IL27RA: variants seen among roughly 807,000 people sequenced by gnomAD.
The protein encoded by IL27RA is interleukin 27 receptor subunit alpha.
In IL27RA, 61 loss-of-function variants were observed where a neutral mutation model predicts 80.8. That is an observed-to-expected ratio of 0.76 (90% confidence interval 0.61 to 0.93). IL27RA has a LOEUF of 0.93. IL27RA is among the 40% of genes least tolerant of loss of function. The pLI is 0.00. For missense variants in IL27RA, 735 were observed against 808.1 expected (o/e 0.91, Z 1.10); for synonymous variants, 316 against 332.5 (o/e 0.95, Z 0.54).
At chr19:14,044,885 G>A (rs929523152) in intron 6 of IL27RA, among the ~76,000 whole-genome samples, 1 of 151,728 alleles carries the variant, frequency 6.6e-6, no homozygotes, top group Non-Finnish European at 1.5e-5. Flanking sequence ...CAACACTTTG[G>A]GAGGCCGAGG....
chr19:14,046,012 G>A, intron 6 of IL27RA, 142 bp from the exon 7 acceptor site: 2 of 800,024 alleles, frequency 2.5e-6, no homozygotes, highest in South Asian at 3.4e-5. Context: ...GTAACAGAAT[G>A]AAGACTCCGT....
rs539390347 is a variant in IL27RA at position 14,042,254 on chromosome 19, T to C, written c.535-199T>C. Among the ~76,000 whole-genome samples the C allele has an allele frequency of 2.7e-5, 4 of 150,632 alleles. No homozygotes were observed. The East Asian group carries it at 7.8e-4, about 29-fold the overall frequency. ...GGTGGTGGGTGCCTGTAATCCCAGC[T>C]ACTCAGGAGGCTGAGGCAGGAGAAT... is the stretch of plus-strand genomic sequence containing the variant. On this transcript the variant is annotated intron_variant, in intron 4 of 13. Transcript: ENST00000263379.
chr19:14,039,987 C>A, intron 4 of IL27RA, 77 bp downstream of exon 4: 2 of 1,425,898 alleles, frequency 1.4e-6, no homozygotes, highest in Non-Finnish European at 1.9e-6. Context: ...TGAGACCCAG[C>A]CCAGGACTCA....
chr19:14,040,020 G>T (rs1665879785), intron 4 of IL27RA, 110 bp downstream of exon 4: 1 of 1,085,070 alleles, frequency 9.2e-7, no homozygotes, highest in Non-Finnish European at 1.3e-6. Flanking sequence ...CCCTGAGCCT[G>T]TATGCCTCCC....
chr19:14,036,089 AAAG>A (rs1157324553), intron 2 of IL27RA, among the ~76,000 whole-genome samples: 81 of 151,460 alleles, frequency 5.3e-4, no homozygotes, highest in African/African-American at 1.4e-3. Context: ...AAAAAAAAAA[AAAG>A]AAAGAAGAAG....
At position 14,049,332 on chromosome 19, in the gene IL27RA, C is replaced by T; in HGVS notation, c.1402+18C>T. The T allele has an allele frequency of 6.2e-7, 1 of 1,605,362 alleles. No homozygotes were observed. Among genetic ancestry groups the T allele is most frequent in the Non-Finnish European group, 8.5e-7 (1 of 1,175,078 alleles). On this transcript the variant is annotated intron_variant, in intron 10 of 13. Coordinates refer to ENST00000263379, the MANE Select transcript of IL27RA (RefSeq NM_004843.4). ...CATGAATGGTGAGCTTCCCTGCCTGCTGACCTGTCCTCCCAGCCCCCACAA... is the reference window on the plus strand; with the variant it reads ...CATGAATGGTGAGCTTCCCTGCCTGTTGACCTGTCCTCCCAGCCCCCACAA...
chr19:14,052,428 C>T lies in IL27RA; in HGVS notation c.*138C>T. ...GCTGAGTCACTTACCTGAGGACACCCAGCCAGGCAGAGCTGGGATTGAAGG... is the reference window on the plus strand; with the variant it reads ...GCTGAGTCACTTACCTGAGGACACCTAGCCAGGCAGAGCTGGGATTGAAGG... On this transcript the variant is annotated 3_prime_UTR_variant, in exon 14 of 14. Coordinates refer to ENST00000263379, the MANE Select transcript of IL27RA (RefSeq NM_004843.4). The T allele has an allele frequency of 1.5e-6, 1 of 659,760 alleles. No individual in the cohort carries two copies. The highest frequency in any genetic ancestry group is 2.6e-5 in the South Asian group (1 of 38,726). The allele number at this position is 659,760 out of a possible 1,614,324, so 40.9% of individuals were successfully genotyped here. A position where few individuals can be genotyped will look rare whatever the true frequency, so the allele number is the denominator to read the frequency against.
intron 2 of IL27RA, among the ~76,000 whole-genome samples, chr19:14,038,005 A>G (rs1268717087): frequency 6.6e-6 from 1 of 151,340 alleles, no homozygotes; most frequent in Non-Finnish European, 1.5e-5. Context: ...TAATTTTTGT[A>G]TTTTTAGTAG....
chr19:14,052,268 C>A lies in IL27RA; in HGVS notation c.1889C>A (p.Pro630His). ...GAGGAGCTGGGCCTTCTGGGGCCCC[C>A]CAGGCCACAGGTTCTGGCCTGAACC... Reference protein sequence around the residue: ...TPEELGLLGPPRPQVLA With the variant: ...TPEELGLLGPHRPQVLA Residue 630 changes from proline to histidine, a missense_variant, in exon 14 of 14, where the codon CCC becomes CAC. By Grantham distance (77) the Pro-to-His change is moderately conservative (BLOSUM62 -2). Coordinates refer to ENST00000263379, the MANE Select transcript of IL27RA (RefSeq NM_004843.4). 6.5e-7 allele frequency: 1 copy of A among 1,535,574 alleles called. No homozygotes were observed. Among genetic ancestry groups the A allele is most frequent in the Admixed American group, 2.1e-5 (1 of 48,060 alleles).
In IL27RA at chr19:14,039,631, C is replaced by G. The variant is rs1231833843; in HGVS notation, c.342C>G (p.Leu114=). The G allele has an allele frequency of 2.0e-5, 33 of 1,613,984 alleles. No individual in the cohort carries two copies. The highest frequency in any genetic ancestry group is 2.8e-5 in the Non-Finnish European group (33 of 1,179,998). ...GGGGCACTAAGGCAGGCCAGCCTCTCTGGCCCCCCGTCTTCGTGAACCTAG... is the reference window on the plus strand; with the variant it reads ...GGGGCACTAAGGCAGGCCAGCCTCTGTGGCCCCCCGTCTTCGTGAACCTAG... ...LVWGTKAGQP[L]WPPVFVNLET... The change falls in exon 3 of 14, where the codon CTC becomes CTG. Residue 114 remains leucine (L), a synonymous_variant. Transcript: ENST00000263379.
intron 6 of IL27RA, among the ~76,000 whole-genome samples, chr19:14,043,998 A>G (rs1291837161): frequency 6.9e-6 from 1 of 144,996 alleles, no homozygotes; most frequent in African/African-American, 2.6e-5. Context: ...CAGTGAGCTG[A>G]GCTCGAGCCA....
At chr19:14,041,743 G>A (rs1398462354) in intron 4 of IL27RA, among the ~76,000 whole-genome samples, 2 of 152,142 alleles carry the variant, frequency 1.3e-5, no homozygotes, top group South Asian at 2.1e-4. Context: ...TTGGTCCTGG[G>A]CAAATACAAA....
chr19:14,052,214 G>A lies in IL27RA; in HGVS notation c.1835G>A (p.Gly612Glu). Residue 612 changes from glycine to glutamate, a missense_variant, in exon 14 of 14, where the codon GGG becomes GAG. Gly to Glu is a moderately conservative substitution (Grantham distance 98). Coordinates refer to ENST00000263379, the MANE Select transcript of IL27RA (RefSeq NM_004843.4). ...CAGGCCACCGCCCCGCTTGACTCTG[G>A]GTATGAGAAGCACTTCCTGCCCACA... ...PAQATAPLDS[G>E]YEKHFLPTPE... is the part of the protein sequence containing the mutation. 1 of 1,601,184 alleles carries A rather than the reference G, an allele frequency of 6.2e-7. No individual in the cohort carries two copies. The highest frequency in any genetic ancestry group is 8.5e-7 in the Non-Finnish European group (1 of 1,174,092).
chr19:14,042,319 T>C, intron 4 of IL27RA, 134 bp from the exon 5 acceptor site: 1 of 908,622 alleles, frequency 1.1e-6, no homozygotes, highest in South Asian at 1.7e-5. Flanking sequence ...TGAGCCAAGA[T>C]CACACCACTG....
rs1419508102 is a variant in IL27RA, at chr19:14,052,209, C to T, written c.1830C>T (p.Asp610=). Residue 610 remains aspartate (D), a synonymous_variant, in exon 14 of 14, where the codon GAC becomes GAT. Coordinates refer to ENST00000263379, the MANE Select transcript of IL27RA (RefSeq NM_004843.4). ...CCGCCCAGGCCACCGCCCCGCTTGA[C>T]TCTGGGTATGAGAAGCACTTCCTGC... ...SQPAQATAPL[D]SGYEKHFLPT... is the part of the protein sequence containing the mutation. 1.2e-6 allele frequency: 2 copies of T among 1,603,852 alleles called. No individual in the cohort carries two copies. The highest frequency in any genetic ancestry group is 1.7e-6 in the Non-Finnish European group (2 of 1,175,392).
At position 14,052,479 on chromosome 19, in the gene IL27RA, C is replaced by T. The variant is rs1976191298; in HGVS notation, c.*189C>T. The T allele has an allele frequency of 6.6e-6, 3 of 457,528 alleles. No homozygotes were observed. The highest frequency in any genetic ancestry group is 1.1e-5 in the Non-Finnish European group (3 of 264,276). The allele number at this position is 457,528 out of a possible 1,614,324, so 28.3% of individuals were successfully genotyped here. Reference sequence around the variant, plus strand: ...ACCCCTATAGAGAAGGGCTTGGCCCCCATGGGGAAGACACGGATGGAAGGT... The same window carrying T: ...ACCCCTATAGAGAAGGGCTTGGCCCTCATGGGGAAGACACGGATGGAAGGT... On this transcript the variant is annotated 3_prime_UTR_variant, in exon 14 of 14. Coordinates refer to ENST00000263379, the MANE Select transcript of IL27RA (RefSeq NM_004843.4).
At position 14,038,534 on chromosome 19, in the gene IL27RA, C is replaced by T. The variant is rs531316765; in HGVS notation, c.219-974C>T. Among the ~76,000 whole-genome samples the T allele has an allele frequency of 8.3e-4, 120 of 144,644 alleles. 1 individual carries two copies. Among genetic ancestry groups the T allele is most frequent in the African/African-American group, 3.0e-3 (114 of 38,412 alleles). 94.9% of individuals were successfully genotyped at this position (144,644 alleles called of 152,430 possible). ...TCAAGGTTGCAGTGATCTATGATCG[C>T]ACTGCTCCAGTTACAGAGTGAGGTC... On this transcript the variant is annotated intron_variant, in intron 2 of 13. Transcript: ENST00000263379.
At chr19:14,047,819 A>G (rs1306155690) in intron 8 of IL27RA, among the ~76,000 whole-genome samples, 1 of 130,608 alleles carries the variant, frequency 7.7e-6, no homozygotes, top group East Asian at 2.3e-4. Context: ...ACGCCCGGCT[A>G]ATTTTTTTTT....
intron 2 of IL27RA, among the ~76,000 whole-genome samples, chr19:14,036,688 A>G (rs566719606): frequency 7.2e-5 from 11 of 151,888 alleles, no homozygotes; most frequent in Non-Finnish European, 1.0e-4. Flanking sequence ...GAGTTTCACC[A>G]TGTCAGCCAG....
Sources: gnomAD v4.1 joint callset for allele counts (sites outside exome capture counted in the v4.1 genomes callset) on GRCh38, gnomAD v4.1.1 for gene constraint, MANE v1.5 for transcripts, NCBI Gene and HGNC (gene_info 2026-07-23, HGNC 2026-07-21) for gene names.